Variants in GOLGA3 observed in about 807,000 individuals in gnomAD.
GOLGA3 encodes golgin A3.
A neutral mutation model predicts 169.4 loss-of-function variants in GOLGA3; 75 were observed. That is an observed-to-expected ratio of 0.44 (90% CI 0.37 to 0.54). The LOEUF (loss-of-function observed/expected upper bound fraction) is 0.54, where lower values mean the gene tolerates loss of function less well. Ranked by LOEUF, GOLGA3 falls within the 20% of genes least tolerant of loss-of-function variation. The pLI is 0.00. For synonymous variants in GOLGA3, 824 were observed against 822.4 expected (o/e 1.00, Z -0.03); for missense variants, 1,899 against 1,930.0 (o/e 0.98, Z 0.30).
chr12:132,799,571 TCAAGG>T (rs1250239433), intron 8 of GOLGA3, among the ~76,000 whole-genome samples: 2 of 152,138 alleles, frequency 1.3e-5, no homozygotes, highest in East Asian at 3.9e-4. Context: ...GCCCAACAGG[TCAAGG>T]CTGCAGGGAG....
intron 16 of GOLGA3, chr12:132,783,784 G>C (rs2045747171): frequency 3.3e-6 from 2 of 602,074 alleles, no homozygotes; most frequent in Non-Finnish European, 5.0e-6. Flanking sequence ...CACCATGTCG[G>C]CCAGGCTGGT....
chr12:132,822,408 A>C (rs1950256146), intron 1 of GOLGA3, 97 bp from the exon 2 acceptor site: 2 of 638,568 alleles, frequency 3.1e-6, no homozygotes, highest in Non-Finnish European at 4.9e-6. Context: ...CATACGTACA[A>C]GAAACAAATA....
intron 7 of GOLGA3, among the ~76,000 whole-genome samples, chr12:132,802,927 C>T (rs1195708695): frequency 6.6e-6 from 1 of 152,112 alleles, no homozygotes; most frequent in Non-Finnish European, 1.5e-5. Flanking sequence ...CGGTGGCAGA[C>T]GCCTGTAATA....
In GOLGA3 at chr12:132,809,564, G is replaced by A. The variant is rs575576754; in HGVS notation, c.520-1015C>T. 4.6e-5 allele frequency among the ~76,000 whole-genome samples: 7 copies of A among 152,246 alleles called. No homozygotes were observed. In the East Asian group the frequency reaches 9.7e-4, roughly 21 times the overall value. On this transcript the variant is annotated intron_variant, in intron 4 of 23. Coordinates refer to ENST00000450791, the MANE Select transcript of GOLGA3 (RefSeq NM_001389683.1). ...CGTCTTCCCAGACACTGGCTTCACCGCTAGACCAAGGAGCCCTCTGGTGGC... is the reference window on the plus strand; with the variant it reads ...CGTCTTCCCAGACACTGGCTTCACCACTAGACCAAGGAGCCCTCTGGTGGC...
chr12:132,789,131 G>T lies in GOLGA3; in HGVS notation c.2707C>A (p.Arg903Ser). ...EKRTAEAELS[R>S]LHREVAQVRQ... ...ACCTGGGCCACCTCTCTGTGCAGGC[G>T]CGAGAGCTCCGCCTCGGCAGTCCGC... The change falls in exon 13 of 24, where the codon CGC (arginine) becomes AGC (serine). Residue 903 changes from arginine (R) to serine (S), a missense_variant. Transcript: ENST00000450791. 6.2e-7 allele frequency: 1 copy of T among 1,613,186 alleles called. No individual in the cohort carries two copies. The highest frequency in any genetic ancestry group is 1.7e-5 in the Admixed American group (1 of 60,016).
At chr12:132,785,603 G>A (rs897264202) in intron 15 of GOLGA3, among the ~76,000 whole-genome samples, 3 of 152,136 alleles carry the variant, frequency 2.0e-5, no homozygotes, top group South Asian at 2.1e-4. Context: ...GTGAGCCACC[G>A]TGCCCGGCCG....
At chr12:132,791,025 T>C (rs2046198422) in intron 12 of GOLGA3, among the ~76,000 whole-genome samples, 191 bp downstream of exon 12, 1 of 110,382 alleles carries the variant, frequency 9.1e-6, no homozygotes, top group Non-Finnish European at 1.7e-5. Context: ...CACTCCAGCC[T>C]GGCTGACAGA....
intron 17 of GOLGA3, among the ~76,000 whole-genome samples, chr12:132,781,973 CAACTA>C (rs2045630212): frequency 6.6e-6 from 1 of 152,172 alleles, no homozygotes; most frequent in South Asian, 2.1e-4. Flanking sequence ...GTCTGCCCCT[CAACTA>C]AACAGGTGAA....
chr12:132,807,144 C>T (rs1286874121), intron 6 of GOLGA3, 33 bp downstream of exon 6: 11 of 1,336,550 alleles, frequency 8.2e-6, no homozygotes, highest in African/African-American at 2.9e-5. Context: ...CCGACTTCGC[C>T]GCACGCTGAG....
In GOLGA3 at chr12:132,771,602, G is replaced by C. The variant is rs753727331; in HGVS notation, c.*1503C>G. On this transcript the variant is annotated 3_prime_UTR_variant, in exon 24 of 24. Coordinates refer to ENST00000450791, the MANE Select transcript of GOLGA3 (RefSeq NM_001389683.1). ...CACAGCCACCTTCCTCACGGTGCCTGCCTGTCTCTTCCGGAAGTCGCCTCT... is the reference window on the plus strand; with the variant it reads ...CACAGCCACCTTCCTCACGGTGCCTCCCTGTCTCTTCCGGAAGTCGCCTCT... The C allele has an allele frequency of 1.3e-5, 2 of 152,056 alleles. No homozygotes were observed. The highest frequency in any genetic ancestry group is 2.9e-5 in the Non-Finnish European group (2 of 68,024). 9.4% of individuals were successfully genotyped at this position (152,056 alleles called of 1,614,324 possible).
At position 132,823,302 on chromosome 12, in the gene GOLGA3, C is replaced by T. The variant is rs192587389; in HGVS notation, c.-183-991G>A. Among the ~76,000 whole-genome samples, 3 of 152,406 alleles carry T rather than the reference C, an allele frequency of 2.0e-5. No individual in the cohort carries two copies. The East Asian group carries it at 5.8e-4, about 29-fold the overall frequency. Reference sequence around the variant, plus strand: ...TGAAATGTGCTGGTGATATTATTAACTCATTTCCTTATCAACAGGTAAGAC... The same window carrying T: ...TGAAATGTGCTGGTGATATTATTAATTCATTTCCTTATCAACAGGTAAGAC... On this transcript the variant is annotated intron_variant, in intron 1 of 23. Transcript: ENST00000450791.
At chr12:132,787,474 TC>T (rs1398834484) in intron 13 of GOLGA3, among the ~76,000 whole-genome samples, 1 of 51,734 alleles carries the variant, frequency 1.9e-5, no homozygotes, top group Non-Finnish European at 3.8e-5. Context: ...CCAGGACCCC[TC>T]CCCAAGAGCC....
chr12:132,774,358 C>T (rs1404839097), intron 22 of GOLGA3, 38 bp from the exon 23 acceptor site: 2 of 1,604,968 alleles, frequency 1.2e-6, no homozygotes, highest in Admixed American at 3.3e-5. Flanking sequence ...TCCCACCGTC[C>T]CCTCCCTCGG....
chr12:132,826,276 A>T (rs1950413459), intron 1 of GOLGA3: 2 of 1,092,200 alleles, frequency 1.8e-6, no homozygotes, highest in Non-Finnish European at 2.6e-6. Context: ...GAAGAGCAGC[A>T]TCACGGCCAC....
Position 132,776,738 on chromosome 12 carries a change from C to T in GOLGA3, c.3874G>A (p.Glu1292Lys), listed in dbSNP as rs2045268119. Residue 1292 changes from glutamate (E) to lysine (K), a missense_variant, in exon 21 of 24, where the codon GAG becomes AAG. Glu to Lys is a moderately conservative substitution (Grantham distance 56). Coordinates refer to ENST00000450791, the MANE Select transcript of GOLGA3 (RefSeq NM_001389683.1). ...GNQEMENLKW[E>K]VDQKEREIQS... Reference sequence around the variant, plus strand: ...ATTTCTCTTTCTTTCTGATCCACCTCCCATTTGAGATTTTCCATCTAAAGA... The same window carrying T: ...ATTTCTCTTTCTTTCTGATCCACCTTCCATTTGAGATTTTCCATCTAAAGA... The T allele has an allele frequency of 1.2e-6, 2 of 1,614,088 alleles. No homozygotes were observed. The highest frequency in any genetic ancestry group is 1.7e-6 in the Non-Finnish European group (2 of 1,180,022).
intron 13 of GOLGA3, 30 bp downstream of exon 13, chr12:132,788,997 A>C: frequency 2.5e-6 from 3 of 1,197,040 alleles, no homozygotes; most frequent in Admixed American, 3.1e-5. Flanking sequence ...AATCCTCCCC[A>C]TCAAATGAGT....
At chr12:132,797,755 A>G (rs1242644469) in intron 9 of GOLGA3, among the ~76,000 whole-genome samples, 3 of 151,876 alleles carry the variant, frequency 2.0e-5, no homozygotes, top group Admixed American at 2.0e-4. Context: ...GAAATTGTCC[A>G]GCGCCCCACA....
intron 2 of GOLGA3, among the ~76,000 whole-genome samples, chr12:132,821,006 A>G (rs934644412): frequency 1.1e-4 from 16 of 149,832 alleles, no homozygotes; most frequent in African/African-American, 3.7e-4. Flanking sequence ...AGGCTGAAGC[A>G]GGAGAATCGC....
chr12:132,827,009 G>A (rs551386310), intron 1 of GOLGA3, among the ~76,000 whole-genome samples: 4 of 152,258 alleles, frequency 2.6e-5, no homozygotes, highest in East Asian at 1.9e-4. Flanking sequence ...TTAGAACTGC[G>A]AAAGGTACAC....
Sources: gnomAD v4.1 joint callset for allele counts (sites outside exome capture counted in the v4.1 genomes callset) on GRCh38, gnomAD v4.1.1 for gene constraint, MANE v1.5 for transcripts, NCBI Gene and HGNC (gene_info 2026-07-23, HGNC 2026-07-21) for gene names.